Variants in GPC1 observed in about 807,000 individuals in gnomAD.
The protein encoded by GPC1 is glypican 1.
Under a neutral mutation model 51.5 loss-of-function variants are expected in GPC1, and 26 were observed. The ratio of observed to expected loss-of-function variants is 0.50; its 90% CI spans 0.37 to 0.70. The LOEUF is 0.70. Ranked by LOEUF, GPC1 falls within the 30% of genes least tolerant of loss-of-function variation. GPC1 has a pLI of 0.00. For missense variants in GPC1, 775 were observed against 800.5 expected, an observed-to-expected ratio of 0.97 and a Z score of 0.38; for synonymous variants, 380 against 348.3, an observed-to-expected ratio of 1.09 and a Z score of -1.01.
At chr2:240,458,860 C>T (rs984307427) in intron 1 of GPC1, 170 bp from the exon 2 acceptor site, 4 of 602,600 alleles carry the variant, frequency 6.6e-6, no homozygotes, top group South Asian at 2.0e-5. Flanking sequence ...CTTTTCCTCC[C>T]TCCACACCCC....
Position 240,464,940 on chromosome 2 carries a change from CG to C in GPC1, c.1102del (p.Glu368ArgfsTer40), listed in dbSNP as rs1559203815. On this transcript the variant is annotated frameshift_variant, in exon 6 of 9. Transcript: ENST00000264039. LOFTEE classifies it high-confidence loss of function. The part of the protein sequence containing the change: ...EKRRRGKLAP[R>X]ERPPSGTLEK... ...GCGGCGCCGGGGCAAGCTGGCCCCG[CG>C]GGAGAGGCCACCTTCAGGCACGCTG... The C allele has an allele frequency of 6.4e-7, 1 of 1,551,790 alleles. No individual in the cohort carries two copies. Among genetic ancestry groups the C allele is most frequent in the Admixed American group, 2.0e-5 (1 of 51,176 alleles).
intron 1 of GPC1, among the ~76,000 whole-genome samples, chr2:240,455,658 G>T (rs1413111032): frequency 6.6e-6 from 1 of 152,278 alleles, no homozygotes; most frequent in Middle Eastern, 3.4e-3. Flanking sequence ...GGGTGGGGAG[G>T]CCCCTGGGTG....
chr2:240,450,240 A>T (rs1436975144), intron 1 of GPC1: 1 of 319,404 alleles, frequency 3.1e-6, no homozygotes, highest in African/African-American at 2.2e-5. Flanking sequence ...GCGGCCACCA[A>T]CTCATCAAAG....
chr2:240,445,882 C>A (rs1400208545), intron 1 of GPC1, among the ~76,000 whole-genome samples: 1 of 152,174 alleles, frequency 6.6e-6, no homozygotes. Context: ...AGGCCCGTTG[C>A]GGCTCCTGTG....
rs551417284 is a variant in GPC1, at chr2:240,466,083, C to T, written c.1470C>T (p.Ser490=). The part of the protein sequence containing the change: ...DASDDGSGSG[S]GDGCLDDLCS... ...GTGACGACGGCAGCGGCTCGGGCAGCGGTGATGGCTGTCTGGATGACCTCT... is the reference window on the plus strand; with the variant it reads ...GTGACGACGGCAGCGGCTCGGGCAGTGGTGATGGCTGTCTGGATGACCTCT... The change falls in exon 9 of 9, where the codon AGC becomes AGT. Residue 490 remains serine, a synonymous_variant. Coordinates refer to ENST00000264039, the MANE Select transcript of GPC1 (RefSeq NM_002081.3). 5 of 1,611,474 alleles carry T rather than the reference C, an allele frequency of 3.1e-6. No individual in the cohort carries two copies. Among genetic ancestry groups the T allele is most frequent in the Non-Finnish European group, 3.4e-6 (4 of 1,179,122 alleles).
At chr2:240,438,609 G>A (rs1045111453) in intron 1 of GPC1, among the ~76,000 whole-genome samples, 1 of 152,242 alleles carries the variant, frequency 6.6e-6, no homozygotes, top group Non-Finnish European at 1.5e-5. Context: ...CGGAGCAGGT[G>A]GGGTAGAGAT....
rs2074253796 is a variant in GPC1 at position 240,465,531 on chromosome 2, G to A, written c.1327G>A (p.Glu443Lys). The change falls in exon 8 of 9, where the codon GAG (glutamate) becomes AAG (lysine). Residue 443 changes from glutamate (E) to lysine (K), a missense_variant. By Grantham distance (56) the Glu-to-Lys change is moderately conservative (BLOSUM62 1). Transcript: ENST00000264039. ...CAACCAGATCAACAACCCCGAGGTG[G>A]AGGTGGACATCACCAAGCCGGACAT... ...LANQINNPEV[E>K]VDITKPDMTI... 3.1e-6 allele frequency: 5 copies of A among 1,613,192 alleles called. No homozygotes were observed. The East Asian group carries it at 1.1e-4, about 36-fold the overall frequency.
chr2:240,457,856 A>G (rs75406448), intron 1 of GPC1: 19,036 of 347,270 alleles, frequency 0.055, 1,173 homozygotes, highest in African/African-American at 0.2. Context: ...AGGATGAGAC[A>G]GGCCCCTGAG....
At chr2:240,447,770 T>G (rs1011039575) in intron 1 of GPC1, among the ~76,000 whole-genome samples, 1 of 152,118 alleles carries the variant, frequency 6.6e-6, no homozygotes, top group African/African-American at 2.4e-5. Context: ...GTGTGTCATG[T>G]CAGGGAGGCC....
intron 1 of GPC1, chr2:240,452,021 A>ACCGG (rs1384579865): frequency 6.6e-6 from 1 of 152,648 alleles, no homozygotes; most frequent in Non-Finnish European, 1.5e-5. Flanking sequence ...CCCATTGCAG[A>ACCGG]CCGGCCGAGA....
At chr2:240,461,733 G>T (rs1324851803) in intron 2 of GPC1, among the ~76,000 whole-genome samples, 1 of 152,136 alleles carries the variant, frequency 6.6e-6, no homozygotes, top group African/African-American at 2.4e-5. Context: ...AGACTCGCAG[G>T]GCAGGCGGCT....
intron 1 of GPC1, among the ~76,000 whole-genome samples, chr2:240,439,908 A>C (rs539495215): frequency 6.6e-6 from 1 of 152,174 alleles, no homozygotes; most frequent in Non-Finnish European, 1.5e-5. Flanking sequence ...GGGAGCCCTG[A>C]TCCGACAGGG....
At chr2:240,457,416 T>TA (rs1418265644) in intron 1 of GPC1, 3 of 470,480 alleles carry the variant, frequency 6.4e-6, no homozygotes, top group Non-Finnish European at 1.3e-5. Context: ...TGTGTGTACT[T>TA]AGAGGGTGCG....
chr2:240,451,113 C>T (rs561796181), intron 1 of GPC1: 1 of 470,818 alleles, frequency 2.1e-6, no homozygotes, highest in Non-Finnish European at 4.4e-6. Context: ...TTCCTTTGCT[C>T]CCTCCCCTTC....
At chr2:240,455,823 C>G (rs1239851223) in intron 1 of GPC1, among the ~76,000 whole-genome samples, 1 of 152,228 alleles carries the variant, frequency 6.6e-6, no homozygotes, top group African/African-American at 2.4e-5. Flanking sequence ...GGACCACAAC[C>G]TGTGGCCCCG....
chr2:240,449,772 C>T (rs2074080522), intron 1 of GPC1: 1 of 461,946 alleles, frequency 2.2e-6, no homozygotes, highest in Non-Finnish European at 4.4e-6. Context: ...TCCGACTCCT[C>T]TAGGGACCTC....
rs746560030 is a variant in GPC1 at position 240,462,173 on chromosome 2, C to G, written c.326-18C>G. On this transcript the variant is annotated intron_variant, in intron 2 of 8. Transcript: ENST00000264039. Reference sequence around the variant, plus strand: ...CGGGGGAAACATGGTCCCGATCACGCCCCCTCCCTGTGCGCAGACCACTTC... The same window carrying G: ...CGGGGGAAACATGGTCCCGATCACGGCCCCTCCCTGTGCGCAGACCACTTC... 1.3e-6 allele frequency: 2 copies of G among 1,557,334 alleles called. No individual in the cohort carries two copies. Among genetic ancestry groups the G allele is most frequent in the Admixed American group, 3.6e-5 (2 of 56,184 alleles).
chr2:240,458,485 C>T (rs936806325), intron 1 of GPC1: 3 of 186,786 alleles, frequency 1.6e-5, no homozygotes, highest in Admixed American at 5.3e-5. Context: ...CACCAGAGCA[C>T]ACCTGCCCCC....
intron 1 of GPC1, chr2:240,449,919 C>T (rs1417959032): frequency 2.1e-6 from 1 of 470,338 alleles, no homozygotes; most frequent in African/African-American, 2.0e-5. Flanking sequence ...CCATTGTATG[C>T]ACCTACAGAC....
Sources: allele counts gnomAD v4.1 joint callset (sites outside exome capture counted in the v4.1 genomes callset), GRCh38; gene constraint gnomAD v4.1.1; transcripts MANE v1.5; gene names NCBI Gene and HGNC (gene_info 2026-07-23, HGNC 2026-07-21).